Variants in MINDY2 observed in about 807,000 individuals in gnomAD.
MINDY2 encodes ubiquitin carboxyl-terminal hydrolase MINDY-2.
MINDY2 carries 52 observed loss-of-function variants against 68.2 expected under a neutral mutation model. The observed-to-expected ratio is 0.76, with a 90% confidence interval of 0.61 to 0.96. MINDY2 has a LOEUF of 0.96. Among genes scored for constraint, MINDY2 ranks in the 40% least tolerant of loss-of-function variants. MINDY2 has a pLI of 0.00. For missense variants in MINDY2, 881 were observed against 773.4 expected, an observed-to-expected ratio of 1.14 and a Z score of -1.65; for synonymous variants, 372 against 303.0, an observed-to-expected ratio of 1.23 and a Z score of -2.36.
chr15:58,824,689 T>A (rs952746603), intron 5 of MINDY2, among the ~76,000 whole-genome samples: 4 of 147,044 alleles, frequency 2.7e-5, no homozygotes, highest in African/African-American at 1.1e-4. Context: ...TTTTTTTTTT[T>A]GAGACAGTCT....
chr15:58,802,565 G>A (rs556256), intron 3 of MINDY2, among the ~76,000 whole-genome samples, 188 bp downstream of exon 3: 38,620 of 151,736 alleles, frequency 0.25, 5,369 homozygotes, highest in East Asian at 0.61. Context: ...TTAAAAATAT[G>A]AAATCCATTT....
chr15:58,852,949 T>G (rs1595788574), intron 8 of MINDY2, among the ~76,000 whole-genome samples: 5 of 45,990 alleles, frequency 1.1e-4, no homozygotes, highest in South Asian at 6.2e-4. Flanking sequence ...TTTTTTTTTT[T>G]TTTTTTTTTT....
intron 1 of MINDY2, among the ~76,000 whole-genome samples, chr15:58,785,584 C>T (rs529547048): frequency 6.6e-6 from 1 of 152,036 alleles, no homozygotes; most frequent in Non-Finnish European, 1.5e-5. Flanking sequence ...AGTAATTTGC[C>T]GGAGTTTCAG....
intron 4 of MINDY2, among the ~76,000 whole-genome samples, chr15:58,811,324 T>C (rs2030228551): frequency 6.6e-6 from 1 of 152,252 alleles, no homozygotes; most frequent in African/African-American, 2.4e-5. Flanking sequence ...TTTGGTATAT[T>C]AGTCTAGCAA....
intron 4 of MINDY2, among the ~76,000 whole-genome samples, chr15:58,813,723 C>T (rs1426845915): frequency 6.6e-6 from 1 of 150,650 alleles, no homozygotes; most frequent in East Asian, 2.0e-4. Context: ...CAGGCATGCA[C>T]CATTATGCCC....
chr15:58,782,520 T>G (rs1447433395), intron 1 of MINDY2, among the ~76,000 whole-genome samples: 1 of 152,244 alleles, frequency 6.6e-6, no homozygotes, highest in Non-Finnish European at 1.5e-5. Context: ...ATCAATTGTA[T>G]GGATCTTAAT....
intron 4 of MINDY2, among the ~76,000 whole-genome samples, chr15:58,816,276 C>A (rs186749184): frequency 1.3e-5 from 2 of 152,314 alleles, no homozygotes; most frequent in African/African-American, 4.8e-5. Context: ...ACTGAAAAGT[C>A]TCAACATGTC....
rs1403762048 is a variant in MINDY2 at position 58,860,250 on chromosome 15, A to G, written c.*5640A>G. 1 of 152,210 alleles carries G rather than the reference A, an allele frequency of 6.6e-6. No individual in the cohort carries two copies. The highest frequency in any genetic ancestry group is 1.5e-5 in the Non-Finnish European group (1 of 68,042). The allele number at this position is 152,210 out of a possible 1,614,324, so 9.4% of individuals were successfully genotyped here. A position where few individuals can be genotyped will look rare whatever the true frequency, so the allele number is the denominator to read the frequency against. On this transcript the variant is annotated 3_prime_UTR_variant, in exon 9 of 9. Transcript: ENST00000559228. ...GGTGATCCTGGCTCCTTTGGCTCTC[A>G]TAATTGTTTTATAGCTGAAAATAAA...
chr15:58,846,114 A>G (rs1420188332), intron 6 of MINDY2, among the ~76,000 whole-genome samples: 2 of 152,054 alleles, frequency 1.3e-5, no homozygotes, highest in Non-Finnish European at 2.9e-5. Context: ...AAAAGAAAAA[A>G]CAGAATGATT....
At chr15:58,806,992 G>A (rs1441142955) in intron 3 of MINDY2, among the ~76,000 whole-genome samples, 1 of 152,146 alleles carries the variant, frequency 6.6e-6, no homozygotes, top group African/African-American at 2.4e-5. Context: ...ACATTTGAAT[G>A]ATTTCTGTTT....
chr15:58,779,800 G>A (rs1901015985), intron 1 of MINDY2, among the ~76,000 whole-genome samples: 1 of 152,130 alleles, frequency 6.6e-6, no homozygotes, highest in African/African-American at 2.4e-5. Flanking sequence ...TATAAATACC[G>A]CCAGTAGGAG....
chr15:58,822,993 T>C (rs1362778146), intron 5 of MINDY2, among the ~76,000 whole-genome samples: 2 of 152,158 alleles, frequency 1.3e-5, no homozygotes, highest in African/African-American at 4.8e-5. Context: ...ATAAAAGATA[T>C]GTACATGAAT....
At chr15:58,796,566 C>G (rs1483021071) in intron 2 of MINDY2, among the ~76,000 whole-genome samples, 1 of 152,086 alleles carries the variant, frequency 6.6e-6, no homozygotes, top group East Asian at 1.9e-4. Flanking sequence ...TCTCTGTTGC[C>G]CAAGCTGGAG....
chr15:58,783,178 C>T (rs1436180402), intron 1 of MINDY2, among the ~76,000 whole-genome samples: 2 of 152,012 alleles, frequency 1.3e-5, no homozygotes, highest in African/African-American at 4.8e-5. Context: ...ACCTCGGCCT[C>T]CCAAAGTGCT....
intron 6 of MINDY2, among the ~76,000 whole-genome samples, chr15:58,837,178 A>T (rs1294556237): frequency 6.6e-6 from 1 of 152,146 alleles, no homozygotes; most frequent in Non-Finnish European, 1.5e-5. Context: ...GTTCATCATT[A>T]AGATTATTAT....
rs73426583 is a variant in MINDY2, at chr15:58,785,236, T to A, written c.841-2670T>A. On this transcript the variant is annotated intron_variant, in intron 1 of 8. Coordinates refer to ENST00000559228, the MANE Select transcript of MINDY2 (RefSeq NM_001040450.3). ...TGTGGATGGCTCCACAGTATTAGTG[T>A]GAAGTAGGCACTTTTTAGTTTTAAT... 8.9e-3 allele frequency among the ~76,000 whole-genome samples: 1,358 copies of A among 151,878 alleles called. 20 individuals carry two copies. Among genetic ancestry groups the A allele is most frequent in the African/African-American group, 0.031 (1,277 of 41,418 alleles).
intron 3 of MINDY2, among the ~76,000 whole-genome samples, chr15:58,808,099 G>GCTTTCT (rs2029939828): frequency 6.6e-6 from 1 of 151,512 alleles, no homozygotes; most frequent in African/African-American, 2.4e-5. Flanking sequence ...ATTAAGTATG[G>GCTTTCT]AAAGTCCTGA....
chr15:58,830,856 A>G (rs569437933), intron 5 of MINDY2, among the ~76,000 whole-genome samples: 88 of 152,158 alleles, frequency 5.8e-4, no homozygotes, highest in African/African-American at 2.0e-3. Context: ...GAATGTGCAC[A>G]TTGGGCCACT....
Position 58,847,401 on chromosome 15 carries a change from A to G in MINDY2, c.1473A>G (p.Ser491=). 6.2e-7 allele frequency: 1 copy of G among 1,608,336 alleles called. No individual in the cohort carries two copies. The highest frequency in any genetic ancestry group is 8.5e-7 in the Non-Finnish European group (1 of 1,175,788). ...ATGGTGATGGAAATTTCTGTGACTC[A>G]GAATTTCATCTTCGACCTCCTTCAG... ...NVDGDGNFCD[S]EFHLRPPSDP... is the part of the protein sequence containing the mutation. The change falls in exon 7 of 9, where the codon TCA becomes TCG. Residue 491 remains serine, a synonymous_variant. Coordinates refer to ENST00000559228, the MANE Select transcript of MINDY2 (RefSeq NM_001040450.3).
Sources: gnomAD v4.1 joint callset for allele counts (sites outside exome capture counted in the v4.1 genomes callset) on GRCh38, gnomAD v4.1.1 for gene constraint, MANE v1.5 for transcripts, NCBI Gene and HGNC (gene_info 2026-07-23, HGNC 2026-07-21) for gene names.